Variants in ZFHX3 observed in about 807,000 individuals in gnomAD.
The protein encoded by ZFHX3 is zinc finger homeobox protein 3.
A neutral mutation model predicts 279.1 loss-of-function variants in ZFHX3; 42 were observed. That is an observed-to-expected ratio of 0.15 (90% confidence interval 0.12 to 0.19). ZFHX3 has a LOEUF of 0.19. Ranked by LOEUF, ZFHX3 falls within the 10% of genes least tolerant of loss-of-function variation. The pLI, the probability that ZFHX3 is intolerant of heterozygous loss-of-function variation, is 1.00. For synonymous variants in ZFHX3, 2,293 were observed against 1,957.8 expected (o/e 1.17, Z -4.52); for missense variants, 4,981 against 4,754.0 (o/e 1.05, Z -1.40).
chr16:73,811,840 C>T (rs1960435957), intron 1 of ZFHX3, among the ~76,000 whole-genome samples: 1 of 152,160 alleles, frequency 6.6e-6, no homozygotes, highest in African/African-American at 2.4e-5. Context: ...TGGTTTGCCA[C>T]CACTTGGGAG....
chr16:73,556,877 C>T (rs1200831826), intron 2 of ZFHX3, among the ~76,000 whole-genome samples: 3 of 151,798 alleles, frequency 2.0e-5, no homozygotes, highest in Non-Finnish European at 2.9e-5. Context: ...AGGCAGATCA[C>T]GAGGTCAAGG....
At chr16:73,017,967 C>A (rs1453364420) in intron 1 of ZFHX3, among the ~76,000 whole-genome samples, 6 of 151,302 alleles carry the variant, frequency 4.0e-5, no homozygotes, top group Non-Finnish European at 8.8e-5. Context: ...TGAAGTGGGA[C>A]CTATGTTTTC....
At chr16:73,254,897 TATCCATCC>T (rs1037989311) in intron 5 of ZFHX3, among the ~76,000 whole-genome samples, 1 of 148,768 alleles carries the variant, frequency 6.7e-6, no homozygotes, top group East Asian at 1.9e-4. Flanking sequence ...CCTGTTTATC[TATCCATCC>T]ATCCATCCAT....
intron 1 of ZFHX3, among the ~76,000 whole-genome samples, chr16:73,803,144 G>C (rs1477818924): frequency 3.9e-5 from 6 of 152,158 alleles, no homozygotes; most frequent in African/African-American, 1.4e-4. Context: ...TAACCAATAA[G>C]AAAGAAGACA....
intron 2 of ZFHX3, among the ~76,000 whole-genome samples, chr16:73,467,759 C>T (rs922478312): frequency 1.3e-5 from 2 of 152,206 alleles, no homozygotes; most frequent in Non-Finnish European, 2.9e-5. Context: ...CCCTCGTCCT[C>T]ATTGGCCCTG....
At chr16:72,844,988 T>G (rs2037441752) in intron 4 of ZFHX3, among the ~76,000 whole-genome samples, 1 of 150,256 alleles carries the variant, frequency 6.7e-6, no homozygotes, top group Non-Finnish European at 1.5e-5. Context: ...GAACTGAAGG[T>G]GAACAAACAA....
chr16:73,246,972 T>C (rs1017552028), intron 5 of ZFHX3, among the ~76,000 whole-genome samples: 4 of 152,224 alleles, frequency 2.6e-5, no homozygotes, highest in Non-Finnish European at 5.9e-5. Context: ...CCAGTGTGGA[T>C]GTATATGTAT....
At chr16:73,682,852 G>GAGAAAGAA (rs568576216) in intron 1 of ZFHX3, among the ~76,000 whole-genome samples, 18 of 80,096 alleles carry the variant, frequency 2.2e-4, no homozygotes, top group South Asian at 9.7e-4. Flanking sequence ...AAAAAAGAAA[G>GAGAAAGAA]AGAAAGAAAG....
intron 2 of ZFHX3, among the ~76,000 whole-genome samples, chr16:73,640,849 GT>G (rs1425261240): frequency 5.9e-5 from 9 of 152,058 alleles, no homozygotes; most frequent in Admixed American, 2.6e-4. Flanking sequence ...TTCCAACCAG[GT>G]ACCCAGCTCA....
chr16:72,973,585 T>A (rs1962200861), intron 1 of ZFHX3: 1 of 152,190 alleles, frequency 6.6e-6, no homozygotes, highest in Non-Finnish European at 1.5e-5. Flanking sequence ...GCCAATAAAA[T>A]CCTCGCCTAT....
intron 1 of ZFHX3, among the ~76,000 whole-genome samples, chr16:73,875,421 T>A (rs1567437103): frequency 1.3e-5 from 2 of 152,286 alleles, no homozygotes; most frequent in South Asian, 4.2e-4. Context: ...CATAAAGGCA[T>A]TAAAGTATAT....
At chr16:73,145,149 T>G (rs1429785660) in intron 5 of ZFHX3, among the ~76,000 whole-genome samples, 1 of 152,154 alleles carries the variant, frequency 6.6e-6, no homozygotes, top group African/African-American at 2.4e-5. Context: ...TTTGCCATCT[T>G]AGGTTCAACT....
intron 2 of ZFHX3, among the ~76,000 whole-genome samples, chr16:73,608,436 AG>A (rs921051715): frequency 4.6e-5 from 7 of 152,266 alleles, no homozygotes; most frequent in Admixed American, 2.6e-4. Context: ...ACTGCTTTGA[AG>A]GAACAGATTA....
intron 3 of ZFHX3, among the ~76,000 whole-genome samples, chr16:73,319,960 AG>A (rs1157236054): frequency 6.6e-6 from 1 of 152,262 alleles, no homozygotes; most frequent in East Asian, 1.9e-4. Context: ...AAATGATGAG[AG>A]TGAACTCGGT....
intron 3 of ZFHX3, among the ~76,000 whole-genome samples, chr16:73,326,937 T>C (rs961234147): frequency 6.6e-6 from 1 of 152,206 alleles, no homozygotes; most frequent in Non-Finnish European, 1.5e-5. Flanking sequence ...ACATCTTAGA[T>C]AGCTCTCCAC....
intron 1 of ZFHX3, among the ~76,000 whole-genome samples, chr16:73,699,048 C>A (rs1282979650): frequency 6.6e-6 from 1 of 152,128 alleles, no homozygotes. Context: ...CCACGCCTGA[C>A]TAATTGCTGA....
At chr16:73,098,109 C>T (rs1440814066) in intron 7 of ZFHX3, among the ~76,000 whole-genome samples, 5 of 149,942 alleles carry the variant, frequency 3.3e-5, no homozygotes, top group African/African-American at 1.2e-4. Flanking sequence ...GCTTTGTCAC[C>T]CAGGCTGGAG....
intron 2 of ZFHX3, among the ~76,000 whole-genome samples, chr16:73,670,232 C>A (rs2052889976): frequency 6.6e-6 from 1 of 152,138 alleles, no homozygotes; most frequent in Admixed American, 6.5e-5. Context: ...TGGTTTGCAT[C>A]CAGCCCAAGT....
intron 1 of ZFHX3, among the ~76,000 whole-genome samples, chr16:73,684,810 C>T (rs1006474214): frequency 6.6e-6 from 1 of 151,692 alleles, no homozygotes. Context: ...AAGCAATTCT[C>T]CTGCTTCAGC....
Sources: gnomAD v4.1 joint callset for allele counts (sites outside exome capture counted in the v4.1 genomes callset) on GRCh38, gnomAD v4.1.1 for gene constraint, MANE v1.5 for transcripts, NCBI Gene and HGNC (gene_info 2026-07-23, HGNC 2026-07-21) for gene names.